SNX30: variants seen among roughly 807,000 people sequenced by gnomAD.
The protein encoded by SNX30 is sorting nexin family member 30.
SNX30 carries 24 observed loss-of-function variants against 46.4 expected under a neutral mutation model. The ratio of observed to expected loss-of-function variants is 0.52; its 90% CI spans 0.37 to 0.73. The LOEUF (loss-of-function observed/expected upper bound fraction) is 0.73. Among genes scored for constraint, SNX30 ranks in the 30% least tolerant of loss-of-function variants. SNX30 has a pLI of 0.00. For synonymous variants in SNX30, 189 were observed against 211.5 expected, an observed-to-expected ratio of 0.89 and a Z score of 0.92; for missense variants, 533 against 555.7, an observed-to-expected ratio of 0.96 and a Z score of 0.41.
chr9:112,837,568 C>T (rs1038420291), intron 5 of SNX30, among the ~76,000 whole-genome samples: 3 of 151,838 alleles, frequency 2.0e-5, no homozygotes, highest in African/African-American at 4.8e-5. Context: ...CGCCGCCTCC[C>T]GGGTTCACGC....
In SNX30 at chr9:112,864,274, G is replaced by A. The variant is rs1841283668; in HGVS notation, c.1129G>A (p.Asp377Asn). Reference sequence around the variant, plus strand: ...ACCGGCGGACGTCGAGAAATGTCAGGATCGGATGGAGTGTTTCAATGCTGA... The same window carrying A: ...ACCGGCGGACGTCGAGAAATGTCAGAATCGGATGGAGTGTTTCAATGCTGA... ...KVPADVEKCQ[D>N]RMECFNADLK... The change falls in exon 8 of 9, where the codon GAT becomes AAT. Residue 377 changes from aspartate to asparagine, a missense_variant. Transcript: ENST00000374232. The A allele has an allele frequency of 6.2e-7, 1 of 1,614,132 alleles. No individual in the cohort carries two copies. The highest frequency in any genetic ancestry group is 8.5e-7 in the Non-Finnish European group (1 of 1,180,010).
At chr9:112,849,499 A>G (rs1271640160) in intron 6 of SNX30, among the ~76,000 whole-genome samples, 2 of 152,224 alleles carry the variant, frequency 1.3e-5, no homozygotes, top group Non-Finnish European at 2.9e-5. Flanking sequence ...AGCACTGTAA[A>G]TATTCCTACT....
chr9:112,858,807 T>C (rs1433563143), intron 7 of SNX30, among the ~76,000 whole-genome samples: 1 of 152,194 alleles, frequency 6.6e-6, no homozygotes. Flanking sequence ...CTTTCTGCCT[T>C]CCCGAGTGAC....
intron 1 of SNX30, among the ~76,000 whole-genome samples, chr9:112,780,735 C>T (rs532560530): frequency 2.6e-5 from 4 of 152,250 alleles, no homozygotes; most frequent in South Asian, 2.1e-4. Context: ...TGTCTGCTTT[C>T]CCGGGGCTTG....
At chr9:112,761,265 C>G (rs527329226) in intron 1 of SNX30, among the ~76,000 whole-genome samples, 7 of 152,146 alleles carry the variant, frequency 4.6e-5, no homozygotes, top group African/African-American at 1.7e-4. Flanking sequence ...TGTGTTCAAG[C>G]GATTCTCCTG....
intron 7 of SNX30, among the ~76,000 whole-genome samples, chr9:112,861,940 G>T (rs565690504): frequency 2.0e-5 from 3 of 151,258 alleles, no homozygotes; most frequent in Admixed American, 1.3e-4. Flanking sequence ...CAACACTTAC[G>T]ATATCTTGCC....
downstream of SNX30, among the ~76,000 whole-genome samples, chr9:112,882,763 GAC>G (rs950683351): frequency 6.6e-6 from 1 of 152,168 alleles, no homozygotes; most frequent in Admixed American, 6.5e-5. Context: ...AGATTGGAAA[GAC>G]AGGAGTGTTA....
chr9:112,771,624 A>G (rs546624779), intron 1 of SNX30, among the ~76,000 whole-genome samples: 2 of 152,250 alleles, frequency 1.3e-5, no homozygotes, highest in South Asian at 4.1e-4. Flanking sequence ...GGGAGAAAGA[A>G]TCTTCCCTCT....
At chr9:112,817,641 C>G (rs1840421268) in intron 2 of SNX30, 64 bp from the exon 3 acceptor site, 1 of 960,214 alleles carries the variant, frequency 1.0e-6, no homozygotes, top group Non-Finnish European at 1.7e-6. Flanking sequence ...GAGCTTTTTT[C>G]CTTCCCTTCA....
intron 8 of SNX30, 89 bp downstream of exon 8, chr9:112,864,488 A>G (rs1001526894): frequency 4.0e-6 from 6 of 1,510,988 alleles, no homozygotes; most frequent in South Asian, 1.1e-5. Context: ...GAATCCTGCT[A>G]GTCTCATCTC....
At position 112,826,076 on chromosome 9, in the gene SNX30, T is replaced by C. The variant is rs559188965; in HGVS notation, c.460-4649T>C. Among the ~76,000 whole-genome samples, 87 of 152,368 alleles carry C rather than the reference T, an allele frequency of 5.7e-4. 1 individual carries two copies. The highest frequency in any genetic ancestry group is 1.9e-3 in the African/African-American group (78 of 41,588). On this transcript the variant is annotated intron_variant, in intron 3 of 8. Transcript: ENST00000374232. ...CCCCTATTGTAGAATGTCATCTTTA[T>C]GTTAAATGAGGCACTCCTAACCACT...
At chr9:112,783,036 T>G (rs1436319641) in intron 1 of SNX30, among the ~76,000 whole-genome samples, 1 of 152,246 alleles carries the variant, frequency 6.6e-6, no homozygotes, top group Non-Finnish European at 1.5e-5. Flanking sequence ...GTGGCTTGAT[T>G]TATTTTTCTG....
chr9:112,793,804 G>GTTTTTTTTTTTTTTTTT (rs199882365), intron 1 of SNX30, among the ~76,000 whole-genome samples: 1 of 139,144 alleles, frequency 7.2e-6, no homozygotes, highest in African/African-American at 2.6e-5. Flanking sequence ...ACTGTTTTTT[G>GTTTTTTTTTTTTTTTTT]TTTTTTTTTT....
chr9:112,792,826 C>A (rs1258561463), intron 1 of SNX30, among the ~76,000 whole-genome samples: 1 of 149,536 alleles, frequency 6.7e-6, no homozygotes, highest in African/African-American at 2.4e-5. Flanking sequence ...AACTTTTGTT[C>A]TTTTCTGTTT....
intron 2 of SNX30, among the ~76,000 whole-genome samples, chr9:112,806,414 G>A (rs1266069419): frequency 6.6e-6 from 1 of 151,772 alleles, no homozygotes; most frequent in Non-Finnish European, 1.5e-5. Context: ...AACAAAGAAT[G>A]ATTTACAGAT....
intron 1 of SNX30, among the ~76,000 whole-genome samples, chr9:112,792,416 C>A (rs1195106856): frequency 1.3e-5 from 2 of 152,032 alleles, no homozygotes; most frequent in African/African-American, 2.4e-5. Context: ...TCCCTTTTTC[C>A]ATTTTCCTCT....
intron 3 of SNX30, among the ~76,000 whole-genome samples, chr9:112,824,871 T>A (rs1192216495): frequency 6.6e-6 from 1 of 152,178 alleles, no homozygotes; most frequent in Non-Finnish European, 1.5e-5. Context: ...TGACTTTTAG[T>A]ACATTCACGG....
intron 2 of SNX30, among the ~76,000 whole-genome samples, chr9:112,808,731 A>G (rs193118090): frequency 1.3e-5 from 2 of 152,254 alleles, no homozygotes; most frequent in Non-Finnish European, 1.5e-5. Context: ...AAAAACGAGT[A>G]TTTTGTATAC....
chr9:112,864,130 T>G, intron 7 of SNX30, 117 bp from the exon 8 acceptor site: 1 of 1,074,184 alleles, frequency 9.3e-7, no homozygotes, highest in Non-Finnish European at 1.4e-6. Context: ...GGAGGGAGCG[T>G]GTTGATAGCA....
Sources: allele counts gnomAD v4.1 joint callset (sites outside exome capture counted in the v4.1 genomes callset), GRCh38; gene constraint gnomAD v4.1.1; transcripts MANE v1.5; gene names NCBI Gene and HGNC (gene_info 2026-07-23, HGNC 2026-07-21).